Variants in GJB7 observed in about 807,000 individuals in gnomAD.
GJB7 encodes gap junction protein beta 7.
For synonymous variants in GJB7, 87 were observed against 95.2 expected (o/e 0.91, Z 0.50); for missense variants, 253 against 256.8 (o/e 0.99, Z 0.10).
At position 87,284,262 on chromosome 6, in the gene GJB7, T is replaced by A; in HGVS notation, c.651A>T (p.Lys217Asn). The change falls in exon 3 of 3, where the codon AAA becomes AAT. Residue 217 changes from lysine (K) to asparagine (N), a missense_variant. Transcript: ENST00000525899. ...GCACTCACACACTGAGGACTTGAGG[T>A]TTTTTTAAATATTTTTGGAGACAGC... ...IKCCLQKYLK[K>N]PQVLSV The A allele has an allele frequency of 6.2e-7, 1 of 1,613,340 alleles. No homozygotes were observed. The highest frequency in any genetic ancestry group is 8.5e-7 in the Non-Finnish European group (1 of 1,179,632).
intron 2 of GJB7, chr6:87,322,392 A>G (rs1776681292): frequency 7.1e-6 from 1 of 140,124 alleles, no homozygotes; most frequent in Non-Finnish European, 1.6e-5. Flanking sequence ...AAGGGAAGAA[A>G]GCAAAAACGT....
chr6:87,300,822 A>G (rs976566135), intron 2 of GJB7, among the ~76,000 whole-genome samples: 1 of 152,248 alleles, frequency 6.6e-6, no homozygotes, highest in African/African-American at 2.4e-5. Flanking sequence ...GCCTTTCTGT[A>G]GAGAATAAGA....
At chr6:87,299,751 T>G (rs1395071828) in intron 2 of GJB7, 1 of 158,408 alleles carries the variant, frequency 6.3e-6, no homozygotes, top group Non-Finnish European at 1.4e-5. Flanking sequence ...CCCTAAATTT[T>G]GAAGCTATTT....
intron 2 of GJB7, among the ~76,000 whole-genome samples, chr6:87,307,801 T>G (rs1191419253): frequency 6.6e-6 from 1 of 152,200 alleles, no homozygotes; most frequent in Non-Finnish European, 1.5e-5. Context: ...GTTCAACCAC[T>G]GTGGAAGACA....
intron 2 of GJB7, among the ~76,000 whole-genome samples, chr6:87,295,849 T>A (rs941420383): frequency 1.3e-5 from 2 of 152,230 alleles, no homozygotes; most frequent in Non-Finnish European, 2.9e-5. Context: ...GCAATTTCCA[T>A]GTCCAAGAAA....
chr6:87,290,049 C>T (rs1329014162), intron 2 of GJB7, among the ~76,000 whole-genome samples: 1 of 152,206 alleles, frequency 6.6e-6, no homozygotes, highest in Non-Finnish European at 1.5e-5. Flanking sequence ...ACAAAATGCT[C>T]ATCCTTGGGC....
chr6:87,286,440 ATC>A (rs948618263), intron 2 of GJB7, among the ~76,000 whole-genome samples: 2 of 152,060 alleles, frequency 1.3e-5, no homozygotes, highest in African/African-American at 4.8e-5. Context: ...CACTGCTGAA[ATC>A]TCTGTCACTC....
At chr6:87,308,860 C>A (rs191119464) in intron 2 of GJB7, among the ~76,000 whole-genome samples, 7 of 151,980 alleles carry the variant, frequency 4.6e-5, no homozygotes, top group Admixed American at 4.6e-4. Context: ...ATAAAGGATT[C>A]CAGAAAAACA....
At chr6:87,325,243 T>C (rs1369876715) in intron 1 of GJB7, among the ~76,000 whole-genome samples, 2 of 151,028 alleles carry the variant, frequency 1.3e-5, no homozygotes, top group Admixed American at 1.3e-4. Context: ...CTTTTCCTAA[T>C]TGAATACCCT....
chr6:87,326,118 T>G (rs535159409), intron 1 of GJB7, among the ~76,000 whole-genome samples: 5 of 152,284 alleles, frequency 3.3e-5, no homozygotes, highest in African/African-American at 7.2e-5. Context: ...TGATATCCCT[T>G]TTATCATTTT....
At chr6:87,311,161 T>G (rs1023873448) in intron 2 of GJB7, among the ~76,000 whole-genome samples, 5 of 152,216 alleles carry the variant, frequency 3.3e-5, no homozygotes, top group Admixed American at 6.5e-5. Context: ...CTATTAAGTA[T>G]TGCTGAGAAG....
intron 2 of GJB7, among the ~76,000 whole-genome samples, chr6:87,315,247 A>G (rs1776564050): frequency 6.6e-6 from 1 of 152,042 alleles, no homozygotes; most frequent in Non-Finnish European, 1.5e-5. Flanking sequence ...CTGGTGGGGA[A>G]CTGCACCTCC....
intron 2 of GJB7, among the ~76,000 whole-genome samples, chr6:87,316,678 C>T (rs775795174): frequency 1.3e-5 from 2 of 152,196 alleles, no homozygotes; most frequent in Admixed American, 1.3e-4. Flanking sequence ...TTTGATCTTC[C>T]TCACTCTGTT....
At chr6:87,309,880 T>C (rs1031388872) in intron 2 of GJB7, among the ~76,000 whole-genome samples, 6 of 151,952 alleles carry the variant, frequency 3.9e-5, no homozygotes, top group African/African-American at 1.2e-4. Flanking sequence ...TTATGAGGGG[T>C]TGTCTGTGCT....
chr6:87,308,284 G>A (rs939660262), intron 2 of GJB7, among the ~76,000 whole-genome samples: 1 of 152,054 alleles, frequency 6.6e-6, no homozygotes, highest in African/African-American at 2.4e-5. Flanking sequence ...TAAATGACAA[G>A]TTAATGGGTG....
At chr6:87,306,089 G>A (rs1284969868) in intron 2 of GJB7, among the ~76,000 whole-genome samples, 3 of 151,706 alleles carry the variant, frequency 2.0e-5, no homozygotes, top group Non-Finnish European at 2.9e-5. Context: ...AGAAAACCTA[G>A]GCATTACCAT....
chr6:87,300,090 C>G lies in GJB7; in HGVS notation c.-27-15151G>C, dbSNP rs866939289. On this transcript the variant is annotated intron_variant, in intron 2 of 2. Coordinates refer to ENST00000525899, the MANE Select transcript of GJB7 (RefSeq NM_198568.3). The stretch of plus-strand genomic sequence containing the variant: ...CTCTGGGAGGGGGTTGTGCCTTGCT[C>G]CAGTGCACTTGAGCCTTGGATTCAT... The G allele has an allele frequency of 1.6e-4, 50 of 319,350 alleles. 1 individual carries two copies. Among genetic ancestry groups the G allele is most frequent in the African/African-American group, 1.0e-3 (47 of 46,136 alleles). 19.8% of individuals were successfully genotyped at this position (319,350 alleles called of 1,614,324 possible).
chr6:87,324,050 G>C (rs12208198), intron 1 of GJB7, among the ~76,000 whole-genome samples: 1 of 148,444 alleles, frequency 6.7e-6, no homozygotes, highest in Non-Finnish European at 1.5e-5. Flanking sequence ...TTTCATGTGT[G>C]TTTTGGCTGC....
chr6:87,289,895 A>G (rs1168068665), intron 2 of GJB7, among the ~76,000 whole-genome samples: 1 of 152,228 alleles, frequency 6.6e-6, no homozygotes, highest in Non-Finnish European at 1.5e-5. Context: ...TGGGAGCCAG[A>G]GAGCTGCTTC....
Sources: gnomAD v4.1 joint callset for allele counts (sites outside exome capture counted in the v4.1 genomes callset) on GRCh38, gnomAD v4.1.1 for gene constraint, MANE v1.5 for transcripts, NCBI Gene and HGNC (gene_info 2026-07-23, HGNC 2026-07-21) for gene names.